Variants in TMEM232 observed in about 807,000 individuals in gnomAD.
TMEM232 encodes transmembrane protein 232.
TMEM232 carries 80 observed loss-of-function variants against 78.8 expected under a neutral mutation model. That is an observed-to-expected ratio of 1.01 (90% CI 0.85 to 1.22). The LOEUF is 1.22. Ranked by LOEUF, TMEM232 falls within the 50% of genes most tolerant of loss-of-function variation. The pLI is 0.00. For synonymous variants in TMEM232, 297 were observed against 254.3 expected (o/e 1.17, Z -1.60); for missense variants, 881 against 742.2 (o/e 1.19, Z -2.17).
intron 12 of TMEM232, among the ~76,000 whole-genome samples, chr5:110,520,050 T>TATATATATATATATAG (rs374219408): frequency 8.8e-5 from 13 of 147,256 alleles, no homozygotes; most frequent in African/African-American, 3.3e-4. Flanking sequence ...TATATATATA[T>TATATATATATATATAG]AGAGAGAGAG....
chr5:110,489,683 T>C (rs1240483402), intron 12 of TMEM232, among the ~76,000 whole-genome samples: 1 of 152,092 alleles, frequency 6.6e-6, no homozygotes, highest in Non-Finnish European at 1.5e-5. Context: ...ATAAATGGTA[T>C]TTAGATTAGA....
intron 10 of TMEM232, among the ~76,000 whole-genome samples, chr5:110,595,900 C>T (rs1780101476): frequency 6.6e-6 from 1 of 152,094 alleles, no homozygotes; most frequent in Admixed American, 6.6e-5. Flanking sequence ...GAGAGGCCAA[C>T]ATGCAAATTC....
chr5:110,403,206 G>A (rs984418926), intron 2 of TMEM232, among the ~76,000 whole-genome samples: 1 of 151,970 alleles, frequency 6.6e-6, no homozygotes, highest in African/African-American at 2.4e-5. Flanking sequence ...AAATTTTTTA[G>A]TAACAAAACA....
At chr5:110,434,380 C>T (rs1227775612) in intron 12 of TMEM232, among the ~76,000 whole-genome samples, 1 of 151,430 alleles carries the variant, frequency 6.6e-6, no homozygotes, top group Non-Finnish European at 1.5e-5. Context: ...TGAATAAATT[C>T]CTAGAAAAAA....
At chr5:110,479,014 T>A (rs1277074909) in intron 12 of TMEM232, among the ~76,000 whole-genome samples, 1 of 150,618 alleles carries the variant, frequency 6.6e-6, no homozygotes, top group Non-Finnish European at 1.5e-5. Context: ...TGCGGTTAGG[T>A]CTACATTACT....
At chr5:110,719,217 GTA>G (rs1475185113) in intron 1 of TMEM232, among the ~76,000 whole-genome samples, 4 of 151,344 alleles carry the variant, frequency 2.6e-5, no homozygotes, top group African/African-American at 9.7e-5. Flanking sequence ...GTGTATATAT[GTA>G]TATATGTGTA....
At chr5:110,417,690 A>C (rs1175739715), downstream of TMEM232, 3 of 150,804 alleles carry the variant, frequency 2.0e-5, no homozygotes, top group East Asian at 3.9e-4. Flanking sequence ...GCAAAAGAAA[A>C]GAAAGGAGAG....
intron 10 of TMEM232, among the ~76,000 whole-genome samples, chr5:110,600,339 C>T (rs1005715608): frequency 3.3e-5 from 5 of 151,884 alleles, no homozygotes; most frequent in African/African-American, 4.8e-5. Context: ...GACAGAGACA[C>T]AAAAAGTCCT....
intron 2 of TMEM232, among the ~76,000 whole-genome samples, chr5:110,657,021 C>T (rs149595812): frequency 6.6e-6 from 1 of 152,048 alleles, no homozygotes; most frequent in East Asian, 1.9e-4. Context: ...GGGGTAAGTG[C>T]CATATCCATC....
At chr5:110,623,281 A>G (rs192770323) in intron 7 of TMEM232, among the ~76,000 whole-genome samples, 10 of 152,196 alleles carry the variant, frequency 6.6e-5, no homozygotes, top group East Asian at 5.8e-4. Flanking sequence ...AAAACTTTCA[A>G]TGCAATTTTG....
chr5:110,580,449 T>C (rs1290653746), intron 10 of TMEM232, among the ~76,000 whole-genome samples: 1 of 151,698 alleles, frequency 6.6e-6, no homozygotes, highest in African/African-American at 2.4e-5. Flanking sequence ...GGCTATACCA[T>C]CTAGGTGTGT....
intron 12 of TMEM232, among the ~76,000 whole-genome samples, chr5:110,508,894 GTA>G (rs1162394092): frequency 5.7e-4 from 73 of 129,184 alleles, no homozygotes; most frequent in African/African-American, 2.0e-3. Flanking sequence ...GTGTATATAT[GTA>G]TATATATAAA....
chr5:110,406,285 C>T lies in TMEM232; in HGVS notation n.309-8431G>A, dbSNP rs1464809296. On this transcript the variant is annotated intron_variant and non_coding_transcript_variant, in intron 2 of 8. Transcript: ENST00000507188. ...ATATATACACACACACACACACACA[C>T]ACACACACACACACACACACATATG... is the stretch of plus-strand genomic sequence containing the variant. Among the ~76,000 whole-genome samples the T allele has an allele frequency of 8.6e-5, 13 of 151,544 alleles. No individual in the cohort carries two copies. The South Asian group carries it at 1.7e-3, about 19-fold the overall frequency.
intron 10 of TMEM232, among the ~76,000 whole-genome samples, chr5:110,591,321 G>A (rs888470583): frequency 1.3e-5 from 2 of 152,012 alleles, no homozygotes; most frequent in Non-Finnish European, 2.9e-5. Flanking sequence ...AGTCAAGCAT[G>A]GTGGCACACA....
Position 110,504,874 on chromosome 5 carries a change from C to A in TMEM232, c.1703+23714G>T, listed in dbSNP as rs189804338. 3.3e-5 allele frequency among the ~76,000 whole-genome samples: 5 copies of A among 152,340 alleles called. No homozygotes were observed. The East Asian group carries it at 9.6e-4, about 29-fold the overall frequency. On this transcript the variant is annotated intron_variant, in intron 12 of 13. Transcript: ENST00000455884. Reference sequence around the variant, plus strand: ...TAATGTTTGACCAAATACTTGTATGCCCTAATGCCCAGGCAAGTTGACACA... The same window carrying A: ...TAATGTTTGACCAAATACTTGTATGACCTAATGCCCAGGCAAGTTGACACA...
intron 12 of TMEM232, among the ~76,000 whole-genome samples, chr5:110,459,236 T>C (rs576604967): frequency 6.6e-6 from 1 of 152,166 alleles, no homozygotes; most frequent in Non-Finnish European, 1.5e-5. Flanking sequence ...TGTCTCCTGA[T>C]GGTAGGCAAG....
At chr5:110,621,770 C>T (rs534090071) in intron 7 of TMEM232, among the ~76,000 whole-genome samples, 10 of 151,898 alleles carry the variant, frequency 6.6e-5, no homozygotes, top group Admixed American at 2.0e-4. Flanking sequence ...CTTTTATAAC[C>T]ACTTCCCACA....
At chr5:110,658,721 T>A (rs1789412434) in intron 2 of TMEM232, among the ~76,000 whole-genome samples, 1 of 152,102 alleles carries the variant, frequency 6.6e-6, no homozygotes. Flanking sequence ...TAATTATTAA[T>A]CCCAAAGAGG....
chr5:110,690,545 C>T (rs759402922), intron 1 of TMEM232, among the ~76,000 whole-genome samples: 3 of 152,070 alleles, frequency 2.0e-5, no homozygotes, highest in Non-Finnish European at 4.4e-5. Context: ...ATTAGTTCAA[C>T]GATTGTGGAA....
Sources: allele counts gnomAD v4.1 joint callset (sites outside exome capture counted in the v4.1 genomes callset), GRCh38; gene constraint gnomAD v4.1.1; transcripts MANE v1.5; gene names NCBI Gene and HGNC (gene_info 2026-07-23, HGNC 2026-07-21).